SLC2A12: variants seen among roughly 807,000 people sequenced by gnomAD.
The protein encoded by SLC2A12 is solute carrier family 2, facilitated glucose transporter member 12.
A neutral mutation model predicts 41.8 loss-of-function variants in SLC2A12; 23 were observed. The ratio of observed to expected loss-of-function variants is 0.55; its 90% CI spans 0.40 to 0.78. The LOEUF is 0.78. Among genes scored for constraint, SLC2A12 ranks in the 30% least tolerant of loss-of-function variants. The pLI is 0.00. For synonymous variants in SLC2A12, 295 were observed against 285.9 expected (o/e 1.03, Z -0.32); for missense variants, 654 against 745.6 (o/e 0.88, Z 1.43).
intron 2 of SLC2A12, among the ~76,000 whole-genome samples, chr6:134,007,836 G>T (rs956384535): frequency 6.6e-6 from 1 of 152,158 alleles, no homozygotes; most frequent in African/African-American, 2.4e-5. Flanking sequence ...TTTTATCAAA[G>T]AGGAAACTGA....
At chr6:134,049,426 G>A (rs1262757762) in intron 1 of SLC2A12, among the ~76,000 whole-genome samples, 2 of 152,236 alleles carry the variant, frequency 1.3e-5, no homozygotes, top group East Asian at 1.9e-4. Context: ...GTAGAAGTCA[G>A]TATTGAATCT....
At position 134,028,601 on chromosome 6, in the gene SLC2A12, G is replaced by A. The variant is rs147242249; in HGVS notation, c.1224C>T (p.Phe408=). 1.6e-4 allele frequency: 265 copies of A among 1,614,222 alleles called. 2 individuals carry two copies. Among genetic ancestry groups the A allele is most frequent in the South Asian group, 8.5e-4 (77 of 91,076 alleles). ...TTCTGCTATGGGAAGAAATCCCTTT[G>A]AAGTGGTCTCTGAGAGTATTGTTGT... ...STNNNTLRDH[F]KGISSHSRSS... is the part of the protein sequence containing the mutation. The change falls in exon 2 of 5, where the codon TTC becomes TTT. Residue 408 remains phenylalanine (F), a synonymous_variant. Transcript: ENST00000275230.
chr6:134,049,776 A>G (rs1477554775), intron 1 of SLC2A12, among the ~76,000 whole-genome samples: 1 of 152,240 alleles, frequency 6.6e-6, no homozygotes, highest in Admixed American at 6.5e-5. Flanking sequence ...TAGTCAAGAA[A>G]GACCTACCAA....
rs1776569286 is a variant in SLC2A12, at chr6:133,988,448, A to G, written c.*2707T>C. 6.6e-6 allele frequency: 1 copy of G among 152,198 alleles called. No individual in the cohort carries two copies. The highest frequency in any genetic ancestry group is 1.5e-5 in the Non-Finnish European group (1 of 68,024). The allele number at this position is 152,198 out of a possible 1,614,324, so 9.4% of individuals were successfully genotyped here. ...TTAATGGGGACAATATTCCAACACA[A>G]TGTTCCACAAAAACTTGTATTTCCA... On this transcript the variant is annotated 3_prime_UTR_variant, in exon 5 of 5. Coordinates refer to ENST00000275230, the MANE Select transcript of SLC2A12 (RefSeq NM_145176.3).
intron 1 of SLC2A12, among the ~76,000 whole-genome samples, chr6:134,046,009 T>TA (rs1777450548): frequency 6.6e-6 from 1 of 152,200 alleles, no homozygotes; most frequent in African/African-American, 2.4e-5. Flanking sequence ...CCAATATAAA[T>TA]AAAACATTTC....
At chr6:134,016,555 C>A (rs1255123069) in intron 2 of SLC2A12, among the ~76,000 whole-genome samples, 1 of 151,798 alleles carries the variant, frequency 6.6e-6, no homozygotes, top group East Asian at 1.9e-4. Flanking sequence ...TGTTTTTTGT[C>A]AACATCATTA....
At chr6:134,022,561 AAG>A (rs1184471863) in intron 2 of SLC2A12, among the ~76,000 whole-genome samples, 1 of 83,686 alleles carries the variant, frequency 1.2e-5, no homozygotes. Context: ...AAGAAAAGAA[AAG>A]AAAAGAAAAG....
At chr6:134,009,840 G>T (rs1344689344) in intron 2 of SLC2A12, among the ~76,000 whole-genome samples, 1 of 152,000 alleles carries the variant, frequency 6.6e-6, no homozygotes, top group Non-Finnish European at 1.5e-5. Flanking sequence ...GTGAGACCTT[G>T]TCCCTCACCC....
At chr6:134,035,340 C>T (rs966366202) in intron 1 of SLC2A12, among the ~76,000 whole-genome samples, 5 of 151,972 alleles carry the variant, frequency 3.3e-5, no homozygotes, top group African/African-American at 1.2e-4. Context: ...ATCATAAAAC[C>T]TAAAAAGGTC....
intron 2 of SLC2A12, among the ~76,000 whole-genome samples, chr6:134,022,264 C>T (rs1361907820): frequency 2.6e-5 from 4 of 152,222 alleles, no homozygotes; most frequent in South Asian, 4.1e-4. Flanking sequence ...TATTGAATGG[C>T]TCATGCCTGT....
At position 134,028,837 on chromosome 6, in the gene SLC2A12, T is replaced by C; in HGVS notation, c.988A>G (p.Ser330Gly). 6.2e-7 allele frequency: 1 copy of C among 1,614,208 alleles called. No homozygotes were observed. Among genetic ancestry groups the C allele is most frequent in the East Asian group, 2.2e-5 (1 of 44,876 alleles). The change falls in exon 2 of 5, where the codon AGC becomes GGC. Residue 330 changes from serine to glycine, a missense_variant. By Grantham distance (56) the Ser-to-Gly change is moderately conservative (BLOSUM62 0). This residue lies in a region of SLC2A12 where 411 missense variants were observed against 412.1 expected (regional missense o/e 1.00). Coordinates refer to ENST00000275230, the MANE Select transcript of SLC2A12 (RefSeq NM_145176.3). ...ACAAGAAGAGTGGCAGGGATGGTGCTAATGACCTTGACGACTCCAACCCCA... is the reference window on the plus strand; with the variant it reads ...ACAAGAAGAGTGGCAGGGATGGTGCCAATGACCTTGACGACTCCAACCCCA... ...STGVGVVKVI[S>G]TIPATLLVDH...
At chr6:134,001,935 A>T (rs1776758596) in intron 4 of SLC2A12, 62 bp downstream of exon 4, 2 of 1,545,162 alleles carry the variant, frequency 1.3e-6, no homozygotes, top group East Asian at 2.3e-5. Context: ...CCTTTGCTGT[A>T]TATAAAAGCT....
At chr6:134,024,677 G>T (rs1332356629) in intron 2 of SLC2A12, among the ~76,000 whole-genome samples, 1 of 152,170 alleles carries the variant, frequency 6.6e-6, no homozygotes, top group African/African-American at 2.4e-5. Flanking sequence ...ATGATGATGA[G>T]ATTTTTAAAT....
rs1417375257 is a variant in SLC2A12, at chr6:134,029,718, C to A, written c.107G>T (p.Cys36Phe). ...GSRHPPWARG[C>F]GMFTFLSSVT... is the part of the protein sequence containing the mutation. ...AGATGACAGGAAGGTAAACATGCCG[C>A]AGCCTGCAAGCAGAGAGAAGAGACA... Residue 36 changes from cysteine (C) to phenylalanine (F), a missense_variant, in exon 2 of 5, where the codon TGC becomes TTC. Physicochemically the swap from Cys to Phe is radical, Grantham distance 205. Around this residue, in one of 3 missense-constraint regions of SLC2A12, gnomAD observed 109 missense variants for 153.0 expected, o/e 0.71. Coordinates refer to ENST00000275230, the MANE Select transcript of SLC2A12 (RefSeq NM_145176.3). 2.5e-6 allele frequency: 4 copies of A among 1,593,280 alleles called. No individual in the cohort carries two copies. The African/African-American group carries it at 5.4e-5, about 21-fold the overall frequency.
chr6:134,023,611 A>C (rs1777074792), intron 2 of SLC2A12, among the ~76,000 whole-genome samples: 1 of 152,260 alleles, frequency 6.6e-6, no homozygotes, highest in Non-Finnish European at 1.5e-5. Flanking sequence ...GTTCCTGAGA[A>C]AACAAGCATG....
At chr6:134,027,073 G>C (rs1190340980) in intron 2 of SLC2A12, among the ~76,000 whole-genome samples, 1 of 152,180 alleles carries the variant, frequency 6.6e-6, no homozygotes, top group African/African-American at 2.4e-5. Context: ...TGACCAGAAG[G>C]AGGCAGATAC....
rs1182572567 is a variant in SLC2A12, at chr6:134,006,176, G to GAAAA, written c.1567+632_1567+635dup. Among the ~76,000 whole-genome samples the GAAAA allele has an allele frequency of 2.0e-3, 126 of 61,754 alleles. 6 individuals are homozygous for GAAAA. The highest frequency in any genetic ancestry group is 4.2e-3 in the African/African-American group (75 of 17,664). 40.5% of individuals were successfully genotyped at this position (61,754 alleles called of 152,430 possible). ...CCTGGGCAACAGAGAGAGACTATCG[G>GAAAA]AAAAAAAAAAAAAAAACAAAAAAAA... On this transcript the variant is annotated intron_variant, in intron 3 of 4. Coordinates refer to ENST00000275230, the MANE Select transcript of SLC2A12 (RefSeq NM_145176.3).
chr6:134,040,272 T>C (rs2066223226), intron 1 of SLC2A12, among the ~76,000 whole-genome samples: 1 of 151,256 alleles, frequency 6.6e-6, no homozygotes, highest in Non-Finnish European at 1.5e-5. Flanking sequence ...AGAGATGGGG[T>C]TTCATCATGT....
At chr6:134,025,485 C>T (rs533247056) in intron 2 of SLC2A12, among the ~76,000 whole-genome samples, 2 of 152,162 alleles carry the variant, frequency 1.3e-5, no homozygotes, top group Non-Finnish European at 2.9e-5. Flanking sequence ...AAAGCTTAAA[C>T]CATATTTTAA....
Sources: gnomAD v4.1 joint callset for allele counts (sites outside exome capture counted in the v4.1 genomes callset) on GRCh38, gnomAD v4.1.1 for gene constraint, gnomAD v4.1.1 regional missense constraint, MANE v1.5 for transcripts, NCBI Gene and HGNC (gene_info 2026-07-23, HGNC 2026-07-21) for gene names.